The following MBD3 variants were observed in gnomAD, a reference collection of about 807,000 sequenced individuals.
MBD3 encodes methyl-CpG binding domain protein 3.
In MBD3, 13 loss-of-function variants were observed where a neutral mutation model predicts 31.2. The ratio of observed to expected loss-of-function variants is 0.42; its 90% CI spans 0.27 to 0.66. The LOEUF (loss-of-function observed/expected upper bound fraction) is 0.66. MBD3 is among the 30% of genes least tolerant of loss of function. MBD3 has a pLI of 0.26. For synonymous variants in MBD3, 223 were observed against 187.4 expected (o/e 1.19, Z -1.55); for missense variants, 440 against 426.5 (o/e 1.03, Z -0.28).
At chr19:1,581,056 A>T (rs1917341250) in intron 5 of MBD3, 36 bp downstream of exon 5, 1 of 1,613,052 alleles carries the variant, frequency 6.2e-7, no homozygotes. Context: ...CACAAGAGAC[A>T]GGGTGGAGCA....
chr19:1,585,485 G>A lies in MBD3; in HGVS notation c.111-271C>T, dbSNP rs1030634957. Reference sequence around the variant, plus strand: ...CAGCCAGACCCAGAGCACTGGCCCCGATCCTCACACCCTGGCCCTAGCCCC... The same window carrying A: ...CAGCCAGACCCAGAGCACTGGCCCCAATCCTCACACCCTGGCCCTAGCCCC... On this transcript the variant is annotated intron_variant, in intron 1 of 6. Coordinates refer to ENST00000434436, the MANE Select transcript of MBD3 (RefSeq NM_001281453.2). This position sits in a 1 kb window ranked among gnomAD's most constrained non-coding sequence, Gnocchi z 4.1. 22 of 486,536 alleles carry A rather than the reference G, an allele frequency of 4.5e-5. No homozygotes were observed. The highest frequency in any genetic ancestry group is 4.0e-4 in the African/African-American group (20 of 50,402). 30.1% of individuals were successfully genotyped at this position (486,536 alleles called of 1,614,324 possible). A position where few individuals can be genotyped will look rare whatever the true frequency, so the allele number is the denominator to read the frequency against.
rs1917229415 is a variant in MBD3 at position 1,577,528 on chromosome 19, T to G, written c.*636A>C. ...GAGTTTGGTTTTCAGAAGCGAAGGC[T>G]GGCGTTGGCACACAGGGAAGGCTGC... On this transcript the variant is annotated 3_prime_UTR_variant, in exon 7 of 7. Transcript: ENST00000434436. 6.6e-6 allele frequency: 1 copy of G among 152,244 alleles called. No homozygotes were observed. The highest frequency in any genetic ancestry group is 6.5e-5 in the Admixed American group (1 of 15,280). 9.4% of individuals were successfully genotyped at this position (152,244 alleles called of 1,614,324 possible). A position where few individuals can be genotyped will look rare whatever the true frequency, so the allele number is the denominator to read the frequency against.
chr19:1,589,760 G>A (rs2060695431), intron 1 of MBD3, among the ~76,000 whole-genome samples: 1 of 152,158 alleles, frequency 6.6e-6, no homozygotes, highest in Non-Finnish European at 1.5e-5. Context: ...TTGAGCCCAG[G>A]AGGTCAAGGA....
At position 1,574,225 on chromosome 19, in the gene MBD3, G is replaced by T. The variant is rs994787060; in HGVS notation, c.*3939C>A. On this transcript the variant is annotated 3_prime_UTR_variant, in exon 7 of 7. Coordinates refer to ENST00000434436, the MANE Select transcript of MBD3 (RefSeq NM_001281453.2). ...AGGAGGGAGAATGGCGTGAACCCAG[G>T]AGGCAGAGCTTGCAGTGAGCAGAGA... 1 of 152,116 alleles carries T rather than the reference G, an allele frequency of 6.6e-6. No individual in the cohort carries two copies. The highest frequency in any genetic ancestry group is 2.4e-5 in the African/African-American group (1 of 41,318). 9.4% of individuals were successfully genotyped at this position (152,116 alleles called of 1,614,324 possible).
At chr19:1,586,870 T>C (rs1366688928) in intron 1 of MBD3, among the ~76,000 whole-genome samples, 1 of 151,880 alleles carries the variant, frequency 6.6e-6, no homozygotes, top group Non-Finnish European at 1.5e-5. Flanking sequence ...TTTCACTGTG[T>C]TGGCCAGGCT....
At chr19:1,580,413 G>A (rs1326359758) in intron 5 of MBD3, among the ~76,000 whole-genome samples, 1 of 152,208 alleles carries the variant, frequency 6.6e-6, no homozygotes. Flanking sequence ...CATGCCCAGC[G>A]CCTCCCTGGC....
chr19:1,586,721 A>G (rs944510575), intron 1 of MBD3, among the ~76,000 whole-genome samples: 1 of 148,328 alleles, frequency 6.7e-6, no homozygotes, highest in African/African-American at 2.5e-5. Flanking sequence ...GGCTGGAGTG[A>G]AGTGGCTCGA....
At chr19:1,589,417 C>A (rs943416525) in intron 1 of MBD3, among the ~76,000 whole-genome samples, 3 of 151,130 alleles carry the variant, frequency 2.0e-5, no homozygotes, top group Non-Finnish European at 4.4e-5. Flanking sequence ...CTTTGGGAGG[C>A]CAAGGAGGGC....
In MBD3 at chr19:1,577,959, G is replaced by C. The variant is rs1160220139; in HGVS notation, c.*205C>G. The stretch of plus-strand genomic sequence containing the variant: ...GACTCTGTAGAGGACGAGCGTGGAG[G>C]GTCTTTCGGGTGGGGGCAGCCCCAG... On this transcript the variant is annotated 3_prime_UTR_variant, in exon 7 of 7. Coordinates refer to ENST00000434436, the MANE Select transcript of MBD3 (RefSeq NM_001281453.2). 48 of 363,448 alleles carry C rather than the reference G, an allele frequency of 1.3e-4. No individual in the cohort carries two copies. Among genetic ancestry groups the C allele is most frequent in the Non-Finnish European group, 2.6e-5 (5 of 192,644 alleles). The allele number at this position is 363,448 out of a possible 1,614,324, so 22.5% of individuals were successfully genotyped here.
At chr19:1,579,653 C>T (rs916175075) in intron 5 of MBD3, among the ~76,000 whole-genome samples, 4 of 152,196 alleles carry the variant, frequency 2.6e-5, no homozygotes, top group Non-Finnish European at 4.4e-5. Context: ...CCCCACCACC[C>T]GGAACACCCT....
rs749385144 is a variant in MBD3, at chr19:1,582,623, C to A, written c.498G>T (p.Gln166His). The stretch of plus-strand genomic sequence containing the variant: ...CCTCCCCTCAGGGTGCCCGCTCACC[C>A]TGCAGGCCCTTGGGGAGGTCCATGG... ...VKTMDLPKGL[Q>H]GVGPGCTDET... The change falls in exon 4 of 7, where the codon CAG becomes CAT. Residue 166 changes from glutamine (Q) to histidine (H), a missense_variant and splice_region_variant. Gln to His is a conservative substitution (Grantham distance 24, BLOSUM62 0). Around this residue, in one of 3 missense-constraint regions of MBD3, gnomAD observed 144 missense variants for 196.9 expected, o/e 0.73. Coordinates refer to ENST00000434436, the MANE Select transcript of MBD3 (RefSeq NM_001281453.2). The A allele has an allele frequency of 1.6e-5, 26 of 1,613,560 alleles. No homozygotes were observed. The highest frequency in any genetic ancestry group is 1.7e-4 in the Middle Eastern group (1 of 5,982).
At chr19:1,581,055 C>G in intron 5 of MBD3, 37 bp downstream of exon 5, 2 of 1,613,332 alleles carry the variant, frequency 1.2e-6, no homozygotes, top group Non-Finnish European at 1.7e-6. Flanking sequence ...CCACAAGAGA[C>G]AGGGTGGAGC....
At chr19:1,590,321 A>C (rs557131454) in intron 1 of MBD3, among the ~76,000 whole-genome samples, 63 of 150,792 alleles carry the variant, frequency 4.2e-4, no homozygotes, top group Non-Finnish European at 6.9e-4. Context: ...ACTGAATTGT[A>C]CATTTCTAAA....
At chr19:1,586,904 T>C (rs1352704211) in intron 1 of MBD3, among the ~76,000 whole-genome samples, 1 of 151,056 alleles carries the variant, frequency 6.6e-6, no homozygotes, top group Admixed American at 6.6e-5. Flanking sequence ...TGACCTCAGG[T>C]GATCTGTCCG....
At position 1,585,475 on chromosome 19, in the gene MBD3, C is replaced by A. The variant is rs2060675049; in HGVS notation, c.111-261G>T. The A allele has an allele frequency of 7.9e-6, 4 of 505,454 alleles. No homozygotes were observed. The highest frequency in any genetic ancestry group is 1.1e-5 in the Non-Finnish European group (3 of 276,570). 31.3% of individuals were successfully genotyped at this position (505,454 alleles called of 1,614,324 possible). A position where few individuals can be genotyped will look rare whatever the true frequency, so the allele number is the denominator to read the frequency against. On this transcript the variant is annotated intron_variant, in intron 1 of 6. Transcript: ENST00000434436. The surrounding 1 kb of genome is among the most constrained non-coding windows in gnomAD (Gnocchi z 4.1). ...ATCTGGGCGCCAGCCAGACCCAGAG[C>A]ACTGGCCCCGATCCTCACACCCTGG...
chr19:1,577,972 G>T lies in MBD3; in HGVS notation c.*192C>A. ...ACGAGCGTGGAGGGTCTTTCGGGTG[G>T]GGGCAGCCCCAGCTGTGTGCCCCGA... On this transcript the variant is annotated 3_prime_UTR_variant, in exon 7 of 7. Transcript: ENST00000434436. The T allele has an allele frequency of 2.6e-6, 1 of 386,918 alleles. No individual in the cohort carries two copies. The highest frequency in any genetic ancestry group is 4.8e-6 in the Non-Finnish European group (1 of 206,950). The allele number at this position is 386,918 out of a possible 1,614,324, so 24.0% of individuals were successfully genotyped here.
intron 4 of MBD3, 101 bp from the exon 5 acceptor site, chr19:1,581,370 C>T (rs975512868): frequency 2.4e-6 from 3 of 1,245,794 alleles, no homozygotes; most frequent in African/African-American, 1.5e-5. Context: ...GAGCTGCCAC[C>T]TTCTTGGAAG....
rs531608778 is a variant in MBD3, at chr19:1,580,183, CAG to C, written c.677+907_677+908del. Among the ~76,000 whole-genome samples, 227 of 152,348 alleles carry C rather than the reference CAG, an allele frequency of 1.5e-3. 1 individual carries two copies. Among genetic ancestry groups the C allele is most frequent in the African/African-American group, 5.2e-3 (215 of 41,568 alleles). On this transcript the variant is annotated intron_variant, in intron 5 of 6. Coordinates refer to ENST00000434436, the MANE Select transcript of MBD3 (RefSeq NM_001281453.2). The stretch of plus-strand genomic sequence containing the variant: ...CATTTCGGGAAGTTCTCTGAGCGCG[CAG>C]AGAGTGTAAATGGACCTCAAACCCA...
chr19:1,590,437 G>A (rs2060698367), intron 1 of MBD3, among the ~76,000 whole-genome samples: 1 of 152,162 alleles, frequency 6.6e-6, no homozygotes, highest in Non-Finnish European at 1.5e-5. Flanking sequence ...GTCTAGTCTA[G>A]GCAACACAGC....
Sources: allele counts gnomAD v4.1 joint callset (sites outside exome capture counted in the v4.1 genomes callset), GRCh38; gene constraint gnomAD v4.1.1; regional missense constraint gnomAD v4.1.1; non-coding constraint Gnocchi (gnomAD v3.1); transcripts MANE v1.5; gene names NCBI Gene and HGNC (gene_info 2026-07-23, HGNC 2026-07-21).